NEIL3: variants seen among roughly 807,000 people sequenced by gnomAD.
The protein encoded by NEIL3 is nei like DNA glycosylase 3.
NEIL3 carries 48 observed loss-of-function variants against 57.5 expected under a neutral mutation model. The observed-to-expected ratio is 0.83, with a 90% CI of 0.66 to 1.06. NEIL3 has a LOEUF of 1.06. NEIL3 is among the 50% of genes least tolerant of loss of function. The pLI is 0.00. For missense variants in NEIL3, 717 were observed against 739.1 expected (o/e 0.97, Z 0.35); for synonymous variants, 261 against 253.2 (o/e 1.03, Z -0.29).
rs561882186 is a variant in NEIL3 at position 177,346,232 on chromosome 4, T to C, written c.869+4590T>C. On this transcript the variant is annotated intron_variant, in intron 6 of 9. Transcript: ENST00000264596. Reference sequence around the variant, plus strand: ...TAAAGACAGGAGTGCAGTGGAGTGATTATAGCTCACTGTGATCTCGAACTC... The same window carrying C: ...TAAAGACAGGAGTGCAGTGGAGTGACTATAGCTCACTGTGATCTCGAACTC... 9.6e-4 allele frequency among the ~76,000 whole-genome samples: 146 copies of C among 152,238 alleles called. 2 individuals are homozygous for C. The highest frequency in any genetic ancestry group is 3.2e-3 in the African/African-American group (135 of 41,548).
intron 2 of NEIL3, 55 bp from the exon 3 acceptor site, chr4:177,335,633 A>T: frequency 2.6e-6 from 4 of 1,552,454 alleles, no homozygotes; most frequent in Non-Finnish European, 3.5e-6. Context: ...ACAGGAAAAA[A>T]GCTTGATAAA....
At chr4:177,349,575 C>T (rs1383334646) in intron 6 of NEIL3, among the ~76,000 whole-genome samples, 1 of 152,142 alleles carries the variant, frequency 6.6e-6, no homozygotes, top group African/African-American at 2.4e-5. Flanking sequence ...CGCCAAGATC[C>T]TTAATTACAT....
chr4:177,361,247 A>T lies in NEIL3; in HGVS notation c.1635+570A>T, dbSNP rs1324020433. Among the ~76,000 whole-genome samples, 12 of 152,316 alleles carry T rather than the reference A, an allele frequency of 7.9e-5. No homozygotes were observed. The East Asian group carries it at 2.1e-3, about 27-fold the overall frequency. Reference sequence around the variant, plus strand: ...AGATGAACCTAAGATAGGAGATAAGAACCTCAGGTCCGTTTAGTCAGTCTC... The same window carrying T: ...AGATGAACCTAAGATAGGAGATAAGTACCTCAGGTCCGTTTAGTCAGTCTC... On this transcript the variant is annotated intron_variant, in intron 9 of 9. Coordinates refer to ENST00000264596, the MANE Select transcript of NEIL3 (RefSeq NM_018248.3).
chr4:177,346,801 A>C (rs1735229137), intron 6 of NEIL3, among the ~76,000 whole-genome samples: 2 of 152,068 alleles, frequency 1.3e-5, no homozygotes, highest in African/African-American at 2.4e-5. Flanking sequence ...AGAGATTGAG[A>C]CCAGCCTGGC....
chr4:177,344,425 A>G (rs769530336), intron 6 of NEIL3, among the ~76,000 whole-genome samples: 3 of 152,180 alleles, frequency 2.0e-5, no homozygotes, highest in Non-Finnish European at 2.9e-5. Context: ...AAAGGCCACT[A>G]CCAATTATCT....
intron 7 of NEIL3, among the ~76,000 whole-genome samples, chr4:177,352,415 C>T (rs1735375851): frequency 6.6e-6 from 1 of 152,166 alleles, no homozygotes; most frequent in Non-Finnish European, 1.5e-5. Context: ...TTATATGTCT[C>T]ATTAACTATT....
the NEIL3 span, among the ~76,000 whole-genome samples, chr4:177,367,953 G>A: frequency 2.0e-5 from 3 of 152,248 alleles, no homozygotes; most frequent in South Asian, 4.2e-4. Flanking sequence ...TTTCAGTTAA[G>A]GAGACTTGGA....
intron 7 of NEIL3, among the ~76,000 whole-genome samples, chr4:177,352,271 A>G (rs1004752070): frequency 1.3e-5 from 2 of 152,138 alleles, no homozygotes; most frequent in African/African-American, 4.8e-5. Flanking sequence ...GGCAGACATC[A>G]CCCCTTGCAC....
At chr4:177,325,090 A>G (rs1734756528) in intron 2 of NEIL3, among the ~76,000 whole-genome samples, 1 of 152,088 alleles carries the variant, frequency 6.6e-6, no homozygotes, top group Non-Finnish European at 1.5e-5. Flanking sequence ...ACTATATCTG[A>G]GATATTTTGG....
chr4:177,325,304 T>C (rs1418148541), intron 2 of NEIL3, among the ~76,000 whole-genome samples: 2 of 152,134 alleles, frequency 1.3e-5, no homozygotes, highest in Non-Finnish European at 2.9e-5. Flanking sequence ...ATATAACATG[T>C]TAGGAGAAAT....
intron 4 of NEIL3, 146 bp from the exon 5 acceptor site, chr4:177,339,637 C>T (rs1178466241): frequency 1.7e-6 from 1 of 605,352 alleles, no homozygotes. Flanking sequence ...TAAGTGGACC[C>T]TCCCAGTTCA....
chr4:177,328,585 A>G (rs1158570916), intron 2 of NEIL3, among the ~76,000 whole-genome samples: 2 of 152,120 alleles, frequency 1.3e-5, no homozygotes, highest in Non-Finnish European at 2.9e-5. Context: ...CCCATCTAAT[A>G]TATCTATTAA....
intron 8 of NEIL3, among the ~76,000 whole-genome samples, chr4:177,356,452 ACCCAGCAGC>A (rs1286380411): frequency 1.3e-5 from 2 of 152,200 alleles, no homozygotes; most frequent in Non-Finnish European, 2.9e-5. Context: ...AAATAAATTC[ACCCAGCAGC>A]CCTTCTGCAC....
At position 177,353,521 on chromosome 4, in the gene NEIL3, A is replaced by G. The variant is rs115839225; in HGVS notation, c.1253A>G (p.Asn418Ser). ...QNQILDEEFQ[N>S]SPPASVCLND... ...CAGATACTAGATGAGGAGTTTCAAA[A>G]CTCTCCTCCTGCTAGTGTTTGTTTG... Residue 418 changes from asparagine (N) to serine (S), a missense_variant, in exon 8 of 10, where the codon AAC becomes AGC. Transcript: ENST00000264596. 18 of 1,612,862 alleles carry G rather than the reference A, an allele frequency of 1.1e-5. No individual in the cohort carries two copies. The highest frequency in any genetic ancestry group is 1.7e-4 in the Middle Eastern group (1 of 6,060).
chr4:177,345,320 A>G (rs769802490), intron 6 of NEIL3, among the ~76,000 whole-genome samples: 2 of 152,180 alleles, frequency 1.3e-5, no homozygotes, highest in African/African-American at 4.8e-5. Flanking sequence ...GAAAGTATAC[A>G]GGGAGAACAT....
At chr4:177,336,409 AAC>A (rs1408134543) in intron 4 of NEIL3, 88 bp downstream of exon 4, 2 of 973,320 alleles carry the variant, frequency 2.1e-6, no homozygotes, top group South Asian at 1.5e-5. Context: ...GCATTTCAGT[AAC>A]ACAGTCTCAT....
rs1734703088 is a variant in NEIL3, at chr4:177,322,457, A to G, written c.157-2A>G. ...TATGTGTGTACATGTATTTTCCACT[A>G]GGCTGCTGCACTGAATAATGATTCC... is the stretch of plus-strand genomic sequence containing the variant. On this transcript the variant is annotated splice_acceptor_variant, in intron 1 of 9. Transcript: ENST00000264596. LOFTEE classifies it high-confidence loss of function. The G allele has an allele frequency of 6.2e-7, 1 of 1,613,896 alleles. No individual in the cohort carries two copies. Among genetic ancestry groups the G allele is most frequent in the Non-Finnish European group, 8.5e-7 (1 of 1,179,842 alleles).
At chr4:177,363,287 A>G (rs1366480644), downstream of NEIL3, among the ~76,000 whole-genome samples, 1 of 152,226 alleles carries the variant, frequency 6.6e-6, no homozygotes, top group Non-Finnish European at 1.5e-5. Flanking sequence ...AGGACAGCAC[A>G]AAGGTGGCTT....
At chr4:177,346,313 T>C (rs1735219692) in intron 6 of NEIL3, among the ~76,000 whole-genome samples, 1 of 151,684 alleles carries the variant, frequency 6.6e-6, no homozygotes, top group Non-Finnish European at 1.5e-5. Flanking sequence ...ACAACAGGCA[T>C]GCACCATCAT....
Sources: gnomAD v4.1 joint callset for allele counts (sites outside exome capture counted in the v4.1 genomes callset) on GRCh38, gnomAD v4.1.1 for gene constraint, MANE v1.5 for transcripts, NCBI Gene and HGNC (gene_info 2026-07-23, HGNC 2026-07-21) for gene names.